DENR: variants seen among roughly 807,000 people sequenced by gnomAD.
DENR encodes density regulated re-initiation and release factor, also known as density-regulated protein.
In DENR, 6 loss-of-function variants were observed where a neutral mutation model predicts 30.6. That is an observed-to-expected ratio of 0.20 (90% confidence interval 0.11 to 0.39). The LOEUF (loss-of-function observed/expected upper bound fraction) is 0.39, where lower values mean the gene tolerates loss of function less well. Among genes scored for constraint, DENR ranks in the 10% least tolerant of loss-of-function variants. The pLI is 1.00. For missense variants in DENR, 141 were observed against 230.9 expected (o/e 0.61, Z 2.52); for synonymous variants, 78 against 72.1 (o/e 1.08, Z -0.41).
Position 122,769,326 on chromosome 12 carries a change from A to ACACATATATGTATACATATATGTG in DENR, c.*248_*249insCACATATATGTATACATATATGTG, listed in dbSNP as rs1349828380. ...TATATACACATATGTATACATATATATATATTCTACAGTAAAACTGTAGAC... is the reference window on the plus strand; with the variant it reads ...TATATACACATATGTATACATATATACACATATATGTATACATATATGTGTATATTCTACAGTAAAACTGTAGAC... On this transcript the variant is annotated 3_prime_UTR_variant, in exon 8 of 8. Transcript: ENST00000280557. 1.0e-6 allele frequency: 1 copy of ACACATATATGTATACATATATGTG among 960,382 alleles called. No homozygotes were observed. The highest frequency in any genetic ancestry group is 1.8e-5 in the African/African-American group (1 of 56,002). 59.5% of individuals were successfully genotyped at this position (960,382 alleles called of 1,614,324 possible).
At chr12:122,768,175 C>A in intron 6 of DENR, 1 of 152,700 alleles carries the variant, frequency 6.5e-6, no homozygotes, top group Non-Finnish European at 1.5e-5. Flanking sequence ...TTCTTTACTC[C>A]CACTGCTTCA....
chr12:122,757,257 A>G (rs1878574397), intron 2 of DENR, among the ~76,000 whole-genome samples: 1 of 152,204 alleles, frequency 6.6e-6, no homozygotes, highest in South Asian at 2.1e-4. Context: ...GAGCAGCTCA[A>G]ATTCATTTAG....
chr12:122,760,103 A>T (rs953402804), intron 2 of DENR, among the ~76,000 whole-genome samples: 4 of 152,174 alleles, frequency 2.6e-5, no homozygotes, highest in African/African-American at 9.7e-5. Context: ...TTCAGCTGTC[A>T]GGTGCCACTA....
intron 2 of DENR, among the ~76,000 whole-genome samples, chr12:122,761,710 A>G (rs1878706457): frequency 6.6e-6 from 1 of 151,970 alleles, no homozygotes; most frequent in Non-Finnish European, 1.5e-5. Flanking sequence ...TAGTTGGGAG[A>G]CTGAGGTGGG....
chr12:122,756,530 A>G (rs1197337292), intron 2 of DENR, among the ~76,000 whole-genome samples: 1 of 152,210 alleles, frequency 6.6e-6, no homozygotes, highest in African/African-American at 2.4e-5. Context: ...TTTGTAGGAA[A>G]TTAGGGGAAG....
chr12:122,754,778 T>C (rs566799892), intron 2 of DENR, among the ~76,000 whole-genome samples: 4 of 152,204 alleles, frequency 2.6e-5, no homozygotes, highest in Non-Finnish European at 5.9e-5. Flanking sequence ...ATATGCTGCA[T>C]TATTTGGAGG....
At position 122,769,304 on chromosome 12, in the gene DENR, A is replaced by G. The variant is rs1461554649; in HGVS notation, c.*226A>G. ...TATATACACATATATGTATACATATATACACATATGTATACATATATATAT... is the reference window on the plus strand; with the variant it reads ...TATATACACATATATGTATACATATGTACACATATGTATACATATATATAT... On this transcript the variant is annotated 3_prime_UTR_variant, in exon 8 of 8. Transcript: ENST00000280557. 6 of 722,720 alleles carry G rather than the reference A, an allele frequency of 8.3e-6. No homozygotes were observed. The highest frequency in any genetic ancestry group is 6.1e-5 in the South Asian group (1 of 16,340). 44.8% of individuals were successfully genotyped at this position (722,720 alleles called of 1,614,324 possible). A position where few individuals can be genotyped will look rare whatever the true frequency, so the allele number is the denominator to read the frequency against.
At position 122,767,528 on chromosome 12, in the gene DENR, A is replaced by G. The variant is rs1878880146; in HGVS notation, c.336A>G (p.Pro112=). ...GQIKQKKKTV[P]QKVTIAKIPR... is the part of the protein sequence containing the mutation. ...TAAAACAAAAAAAGAAGACCGTACC[A>G]CAAAAGGTTACTATAGCCAAAATTC... The change falls in exon 6 of 8, where the codon CCA becomes CCG. Residue 112 remains proline (P), a synonymous_variant. Coordinates refer to ENST00000280557, the MANE Select transcript of DENR (RefSeq NM_003677.5). The G allele has an allele frequency of 1.3e-6, 2 of 1,594,722 alleles. No homozygotes were observed. The highest frequency in any genetic ancestry group is 1.8e-5 in the Admixed American group (1 of 56,898).
At chr12:122,768,630 C>T (rs1228664910) in intron 6 of DENR, among the ~76,000 whole-genome samples, 152 bp from the exon 7 acceptor site, 1 of 152,104 alleles carries the variant, frequency 6.6e-6, no homozygotes, top group Non-Finnish European at 1.5e-5. Flanking sequence ...TTGTTAAGAT[C>T]TCTGTGGTAG....
intron 4 of DENR, among the ~76,000 whole-genome samples, chr12:122,763,483 A>T (rs970253523): frequency 3.9e-5 from 6 of 152,134 alleles, no homozygotes; most frequent in Admixed American, 3.3e-4. Context: ...AGGCGGGTGG[A>T]TCACCTGTGG....
At chr12:122,765,140 A>G (rs945309292) in intron 4 of DENR, among the ~76,000 whole-genome samples, 164 bp from the exon 5 acceptor site, 2 of 152,222 alleles carry the variant, frequency 1.3e-5, no homozygotes, top group Non-Finnish European at 1.5e-5. Flanking sequence ...CTTTAGAACT[A>G]GACTTGAATA....
intron 5 of DENR, among the ~76,000 whole-genome samples, chr12:122,767,109 C>A (rs1878871651): frequency 6.6e-6 from 1 of 152,206 alleles, no homozygotes; most frequent in Non-Finnish European, 1.5e-5. Flanking sequence ...CTAGATATTA[C>A]TTCCTCTAGG....
At position 122,769,496 on chromosome 12, in the gene DENR, CT is replaced by C; in HGVS notation, c.*419del. On this transcript the variant is annotated 3_prime_UTR_variant, in exon 8 of 8. Coordinates refer to ENST00000280557, the MANE Select transcript of DENR (RefSeq NM_003677.5). The stretch of plus-strand genomic sequence containing the variant: ...ATTTTGGTCATTTGGTACTGACTTT[CT>C]CTCTCTCTCTCTCTCTCTTTTTTTT... The C allele has an allele frequency of 1.2e-6, 1 of 842,556 alleles. No homozygotes were observed. Among genetic ancestry groups the C allele is most frequent in the Non-Finnish European group, 1.4e-6 (1 of 705,366 alleles). The allele number at this position is 842,556 out of a possible 1,614,324, so 52.2% of individuals were successfully genotyped here.
intron 3 of DENR, 78 bp from the exon 4 acceptor site, chr12:122,762,753 GTATTAACAAGTATA>G: frequency 1.3e-6 from 1 of 789,478 alleles, no homozygotes; most frequent in South Asian, 1.6e-5. Flanking sequence ...TTTATTCTTT[GTATTAACAAGTATA>G]GGGGGTGATT....
chr12:122,760,362 T>C (rs1316571983), intron 2 of DENR, among the ~76,000 whole-genome samples: 1 of 152,206 alleles, frequency 6.6e-6, no homozygotes, highest in Admixed American at 6.5e-5. Flanking sequence ...TGTGACTACA[T>C]GGTATACCAC....
At position 122,767,479 on chromosome 12, in the gene DENR, TA is replaced by T; in HGVS notation, c.296-6del. The T allele has an allele frequency of 6.7e-7, 1 of 1,498,088 alleles. No individual in the cohort carries two copies. The highest frequency in any genetic ancestry group is 9.0e-7 in the Non-Finnish European group (1 of 1,116,776). 92.8% of individuals were successfully genotyped at this position (1,498,088 alleles called of 1,614,324 possible). On this transcript the variant is annotated splice_polypyrimidine_tract_variant and splice_region_variant and intron_variant, in intron 5 of 7. Transcript: ENST00000280557. The stretch of plus-strand genomic sequence containing the variant: ...CAACTAAAGCTAAGCTCTTTCTTAA[TA>T]AATAAAGGTGGAAGGGGTCAAATAA...
intron 3 of DENR, 82 bp from the exon 4 acceptor site, chr12:122,762,763 G>C: frequency 1.1e-6 from 1 of 909,912 alleles, no homozygotes. Flanking sequence ...GTATTAACAA[G>C]TATAGGGGGT....
chr12:122,769,518 T>A lies in DENR; in HGVS notation c.*440T>A. The A allele has an allele frequency of 1.0e-6, 1 of 969,100 alleles. No homozygotes were observed. The highest frequency in any genetic ancestry group is 1.2e-6 in the Non-Finnish European group (1 of 818,950). The allele number at this position is 969,100 out of a possible 1,614,324, so 60.0% of individuals were successfully genotyped here. ...TTTCTCTCTCTCTCTCTCTCTCTTT[T>A]TTTTTTTTGACAGAGTCTCGCACTG... is the stretch of plus-strand genomic sequence containing the variant. On this transcript the variant is annotated 3_prime_UTR_variant, in exon 8 of 8. Transcript: ENST00000280557.
chr12:122,766,499 C>T (rs539062594), intron 5 of DENR, among the ~76,000 whole-genome samples: 1 of 152,160 alleles, frequency 6.6e-6, no homozygotes, highest in African/African-American at 2.4e-5. Flanking sequence ...ACTTAAAATT[C>T]CCAAATCTGT....
Sources: gnomAD v4.1 joint callset for allele counts (sites outside exome capture counted in the v4.1 genomes callset) on GRCh38, gnomAD v4.1.1 for gene constraint, MANE v1.5 for transcripts, NCBI Gene and HGNC (gene_info 2026-07-23, HGNC 2026-07-21) for gene names.